Variants in DEPDC5 observed in about 807,000 individuals in gnomAD.
DEPDC5 encodes the protein GATOR1 complex protein DEPDC5.
DEPDC5 carries 73 observed loss-of-function variants against 217.3 expected under a neutral mutation model. That is an observed-to-expected ratio of 0.34 (90% CI 0.28 to 0.41). The LOEUF (loss-of-function observed/expected upper bound fraction) is 0.41. Among genes scored for constraint, DEPDC5 ranks in the 10% least tolerant of loss-of-function variants. DEPDC5 has a pLI of 1.00. For synonymous variants in DEPDC5, 733 were observed against 756.7 expected (o/e 0.97, Z 0.51); for missense variants, 1,675 against 2,070.1 (o/e 0.81, Z 3.70).
chr22:31,823,452 G>C (rs185566859), intron 24 of DEPDC5, among the ~76,000 whole-genome samples: 8 of 149,742 alleles, frequency 5.3e-5, no homozygotes, highest in Non-Finnish European at 1.0e-4. Flanking sequence ...AGAATCTCAT[G>C]AACCTGGGAG....
At chr22:31,863,549 A>G (rs1218168797) in intron 33 of DEPDC5, among the ~76,000 whole-genome samples, 2 of 152,164 alleles carry the variant, frequency 1.3e-5, no homozygotes, top group East Asian at 3.9e-4. Context: ...ATTACCCACC[A>G]GGTGTTTTGT....
In DEPDC5 at chr22:31,843,741, C is replaced by T. The variant is rs140039884; in HGVS notation, c.2730C>T (p.His910=). 21 of 1,614,056 alleles carry T rather than the reference C, an allele frequency of 1.3e-5. No individual in the cohort carries two copies. Among genetic ancestry groups the T allele is most frequent in the Middle Eastern group, 1.7e-4 (1 of 6,050 alleles). Residue 910 remains histidine (H), a synonymous_variant, in exon 29 of 43, where the codon CAC becomes CAT. Coordinates refer to ENST00000651528, the MANE Select transcript of DEPDC5 (RefSeq NM_001242896.3). Reference sequence around the variant, plus strand: ...TCTCCTGCTGGGTGGAATTCTCCCACGAACGGCTGGAGGAGTACAAGTGGA... The same window carrying T: ...TCTCCTGCTGGGTGGAATTCTCCCATGAACGGCTGGAGGAGTACAAGTGGA... ...EFVSCWVEFS[H]ERLEEYKWNY...
chr22:31,777,264 G>GTTT (rs371773869), intron 7 of DEPDC5, among the ~76,000 whole-genome samples: 11 of 117,802 alleles, frequency 9.3e-5, no homozygotes, highest in Non-Finnish European at 1.6e-4. Flanking sequence ...CTGGCCCTAA[G>GTTT]TTTTTTTTTT....
At chr22:31,820,665 C>G (rs1445783807) in intron 22 of DEPDC5, among the ~76,000 whole-genome samples, 2 of 152,140 alleles carry the variant, frequency 1.3e-5, no homozygotes, top group African/African-American at 4.8e-5. Context: ...TTCCAGGTCA[C>G]TTAGAACTCT....
chr22:31,836,807 C>G, intron 25 of DEPDC5, 165 bp from the exon 26 acceptor site: 1 of 630,906 alleles, frequency 1.6e-6, no homozygotes, highest in Non-Finnish European at 2.8e-6. Context: ...CTGTTTCTCT[C>G]TCTTTCTCCC....
intron 31 of DEPDC5, among the ~76,000 whole-genome samples, chr22:31,850,768 A>T (rs952267263): frequency 6.6e-6 from 1 of 152,122 alleles, no homozygotes; most frequent in East Asian, 1.9e-4. Flanking sequence ...TAGTTAATAT[A>T]TAAAACCCAG....
chr22:31,906,092 C>CAGGTGG lies in DEPDC5; in HGVS notation c.4519+27_4519+32dup. On this transcript the variant is annotated intron_variant, in intron 42 of 42. Coordinates refer to ENST00000651528, the MANE Select transcript of DEPDC5 (RefSeq NM_001242896.3). The surrounding 1 kb of genome is among the most constrained non-coding windows in gnomAD (Gnocchi z 5.1). ...GTGAGGAGCTACGGGCAGAGTTGGG[C>CAGGTGG]AGGTGGGTCCACATCCCTTTCCTTG... 1 of 1,613,740 alleles carries CAGGTGG rather than the reference C, an allele frequency of 6.2e-7. No individual in the cohort carries two copies. The highest frequency in any genetic ancestry group is 2.2e-5 in the East Asian group (1 of 44,878).
intron 40 of DEPDC5, among the ~76,000 whole-genome samples, chr22:31,900,181 G>A (rs1196853528): frequency 6.6e-6 from 1 of 151,914 alleles, no homozygotes; most frequent in Non-Finnish European, 1.5e-5. Flanking sequence ...CGATTACCTG[G>A]GATTACAGGC....
At chr22:31,890,731 T>C (rs1056642857) in intron 38 of DEPDC5, among the ~76,000 whole-genome samples, 2 of 151,138 alleles carry the variant, frequency 1.3e-5, no homozygotes, top group Admixed American at 1.3e-4. Flanking sequence ...TTTAAAATTT[T>C]TATTTTATTT....
chr22:31,792,978 G>A (rs1408845726), intron 12 of DEPDC5, among the ~76,000 whole-genome samples, 161 bp downstream of exon 12: 2 of 152,008 alleles, frequency 1.3e-5, no homozygotes, highest in Non-Finnish European at 2.9e-5. Context: ...GCTGAGGTGG[G>A]AGGATCACTT....
chr22:31,754,370 A>C (rs1057508750), intron 1 of DEPDC5, among the ~76,000 whole-genome samples: 26 of 152,244 alleles, frequency 1.7e-4, no homozygotes, highest in Admixed American at 3.9e-4. Flanking sequence ...GGTTTGGGGA[A>C]GGAACTTCTG....
intron 20 of DEPDC5, among the ~76,000 whole-genome samples, chr22:31,812,204 G>T (rs2088453516): frequency 6.6e-6 from 1 of 151,854 alleles, no homozygotes; most frequent in Non-Finnish European, 1.5e-5. Flanking sequence ...TGGCCAGGCT[G>T]GTCTCAAACT....
chr22:31,792,538 A>G (rs972683198), intron 11 of DEPDC5: 10 of 370,072 alleles, frequency 2.7e-5, no homozygotes, highest in Non-Finnish European at 2.3e-5. Flanking sequence ...TTCAGGAGGT[A>G]GAGGTTGCAG....
intron 12 of DEPDC5, among the ~76,000 whole-genome samples, chr22:31,795,330 A>G (rs1192352257): frequency 1.3e-5 from 2 of 151,444 alleles, no homozygotes; most frequent in Admixed American, 1.3e-4. Flanking sequence ...TCAGCCACCT[A>G]AAGTGCTGGG....
At chr22:31,772,175 G>C (rs930979138) in intron 7 of DEPDC5, among the ~76,000 whole-genome samples, 2 of 152,130 alleles carry the variant, frequency 1.3e-5, no homozygotes, top group African/African-American at 4.8e-5. Context: ...GCTGCAGTGA[G>C]CTATTATTGC....
intron 41 of DEPDC5, among the ~76,000 whole-genome samples, chr22:31,902,190 G>A (rs1169523272): frequency 6.6e-6 from 1 of 152,048 alleles, no homozygotes; most frequent in East Asian, 1.9e-4. Context: ...AGATGAGTCA[G>A]TAGATATTTC....
chr22:31,897,382 A>G (rs996869311), intron 39 of DEPDC5, 100 bp from the exon 40 acceptor site: 2 of 1,413,108 alleles, frequency 1.4e-6, no homozygotes, highest in African/African-American at 2.9e-5. Context: ...GCAAATCAAT[A>G]TGCATGCTGC....
At chr22:31,785,720 A>G (rs1278464039) in intron 10 of DEPDC5, among the ~76,000 whole-genome samples, 2 of 152,148 alleles carry the variant, frequency 1.3e-5, no homozygotes, top group Non-Finnish European at 2.9e-5. Context: ...TAAAACCCTC[A>G]GTCATCAGAA....
At chr22:31,842,862 A>G (rs535520667) in intron 27 of DEPDC5, among the ~76,000 whole-genome samples, 1 of 152,198 alleles carries the variant, frequency 6.6e-6, no homozygotes, top group Non-Finnish European at 1.5e-5. Context: ...TCTAGGTGCT[A>G]TCAGCTAGCA....
Sources: gnomAD v4.1 joint callset for allele counts (sites outside exome capture counted in the v4.1 genomes callset) on GRCh38, gnomAD v4.1.1 for gene constraint, Gnocchi (gnomAD v3.1) non-coding constraint, MANE v1.5 for transcripts, NCBI Gene and HGNC (gene_info 2026-07-23, HGNC 2026-07-21) for gene names.